The following CCNYL1 variants were observed in gnomAD, a reference collection of about 807,000 sequenced individuals.
CCNYL1 encodes cyclin Y like 1.
In CCNYL1, 16 loss-of-function variants were observed where a neutral mutation model predicts 44.2. That is an observed-to-expected ratio of 0.36 (90% CI 0.25 to 0.55). The LOEUF (loss-of-function observed/expected upper bound fraction) is 0.55. CCNYL1 is among the 20% of genes least tolerant of loss of function. The pLI, the probability that CCNYL1 is intolerant of heterozygous loss-of-function variation, is 0.85. For missense variants in CCNYL1, 348 were observed against 451.8 expected (o/e 0.77, Z 2.08); for synonymous variants, 159 against 163.2 (o/e 0.97, Z 0.20).
chr2:207,735,931 C>T (rs533822384), intron 4 of CCNYL1, among the ~76,000 whole-genome samples: 13 of 152,202 alleles, frequency 8.5e-5, no homozygotes, highest in South Asian at 2.1e-4. Context: ...AAGTCATACC[C>T]GATGCCAATT....
chr2:207,717,632 G>C (rs971432358), intron 1 of CCNYL1, among the ~76,000 whole-genome samples: 8 of 152,174 alleles, frequency 5.3e-5, no homozygotes, highest in African/African-American at 1.9e-4. Flanking sequence ...TACGTGACCT[G>C]TGAGCAGTCC....
Position 207,751,119 on chromosome 2 carries a change from G to A in CCNYL1, c.969G>A (p.Glu323=). 1 of 1,613,286 alleles carries A rather than the reference G, an allele frequency of 6.2e-7. No individual in the cohort carries two copies. ...GCAAAGAAAGAGCACAGAACCTAGA[G>A]GTAAGGCTATGAAGTCACTAAGTGA... ...PLSKERAQNL[E]AISRLCEDKD... Residue 323 remains glutamate, a splice_region_variant and synonymous_variant, in exon 9 of 10, where the codon GAG becomes GAA. Transcript: ENST00000295414.
chr2:207,716,877 A>C (rs1053495206), intron 1 of CCNYL1, among the ~76,000 whole-genome samples: 1 of 152,188 alleles, frequency 6.6e-6, no homozygotes, highest in African/African-American at 2.4e-5. Flanking sequence ...TGGGAGGCCG[A>C]GGCGGGTGGA....
chr2:207,726,629 A>AT (rs2091681939), intron 2 of CCNYL1, among the ~76,000 whole-genome samples: 1 of 152,224 alleles, frequency 6.6e-6, no homozygotes, highest in Admixed American at 6.5e-5. Flanking sequence ...CATGTAATAG[A>AT]ATATCTGTCA....
At chr2:207,718,966 T>C (rs553405959) in intron 1 of CCNYL1, among the ~76,000 whole-genome samples, 1 of 150,668 alleles carries the variant, frequency 6.6e-6, no homozygotes, top group South Asian at 2.1e-4. Flanking sequence ...AGGAGAATTA[T>C]GGAGCTGTTA....
intron 7 of CCNYL1, among the ~76,000 whole-genome samples, chr2:207,746,241 G>T (rs920627182): frequency 6.6e-6 from 1 of 152,220 alleles, no homozygotes; most frequent in African/African-American, 2.4e-5. Flanking sequence ...CAGCCACTGG[G>T]TGGCTCTCTT....
At chr2:207,725,874 G>A (rs906746878) in intron 2 of CCNYL1, among the ~76,000 whole-genome samples, 5 of 152,148 alleles carry the variant, frequency 3.3e-5, no homozygotes, top group Non-Finnish European at 7.4e-5. Context: ...ATACAACCAG[G>A]TTTTTCATTT....
intron 1 of CCNYL1, among the ~76,000 whole-genome samples, chr2:207,718,941 GT>G (rs762266569): frequency 1.3e-5 from 2 of 150,356 alleles, no homozygotes; most frequent in Non-Finnish European, 2.9e-5. Flanking sequence ...AAAATAAACT[GT>G]TATATCCACA....
chr2:207,711,785 A>G lies in CCNYL1; in HGVS notation c.-112A>G. ...TGCTTGCGCGGTGCAGCCCCAGCGT[A>G]GCCCGGGGCTGCCGGTGCCGGCCGC... On this transcript the variant is annotated 5_prime_UTR_variant, in exon 1 of 10. Coordinates refer to ENST00000295414, the MANE Select transcript of CCNYL1 (RefSeq NM_001330218.2). 1.5e-6 allele frequency: 1 copy of G among 656,234 alleles called. No individual in the cohort carries two copies. Among genetic ancestry groups the G allele is most frequent in the Non-Finnish European group, 2.2e-6 (1 of 444,640 alleles). The allele number at this position is 656,234 out of a possible 1,614,324, so 40.7% of individuals were successfully genotyped here.
chr2:207,742,216 C>T lies in CCNYL1; in HGVS notation c.520-7C>T, dbSNP rs201020093. The stretch of plus-strand genomic sequence containing the variant: ...GGATACTAACATTGCATCTTTTCTT[C>T]TTTCAGCGAGAAAAAGTTCCAGAGG... On this transcript the variant is annotated splice_region_variant and splice_polypyrimidine_tract_variant and intron_variant, in intron 6 of 9. Coordinates refer to ENST00000295414, the MANE Select transcript of CCNYL1 (RefSeq NM_001330218.2). 303 of 1,563,420 alleles carry T rather than the reference C, an allele frequency of 1.9e-4. No individual in the cohort carries two copies. The Middle Eastern group carries it at 2.7e-3, about 14-fold the overall frequency.
In CCNYL1 at chr2:207,712,004, G is replaced by T. The variant is rs757442469; in HGVS notation, c.108G>T (p.Val36=). The change falls in exon 1 of 10, where the codon GTG becomes GTT. Residue 36 remains valine, a synonymous_variant. Coordinates refer to ENST00000295414, the MANE Select transcript of CCNYL1 (RefSeq NM_001330218.2). ...GCGCGTCCGACATCTACGAGGCGGT[G>T]TCCGGGGACGCGGTGGCGGTAGCGC... is the stretch of plus-strand genomic sequence containing the variant. The part of the protein sequence containing the change: ...LYCASDIYEA[V]SGDAVAVAPA... 6.8e-7 allele frequency: 1 copy of T among 1,476,372 alleles called. No individual in the cohort carries two copies. Among genetic ancestry groups the T allele is most frequent in the African/African-American group, 1.5e-5 (1 of 68,724 alleles). The allele number at this position is 1,476,372 out of a possible 1,614,324, so 91.5% of individuals were successfully genotyped here. A position where few individuals can be genotyped will look rare whatever the true frequency, so the allele number is the denominator to read the frequency against.
chr2:207,750,339 C>T (rs1046121128), intron 8 of CCNYL1, among the ~76,000 whole-genome samples: 1 of 152,084 alleles, frequency 6.6e-6, no homozygotes, highest in South Asian at 2.1e-4. Context: ...TGCATTATGC[C>T]CTTTGACATA....
chr2:207,717,045 A>C (rs1575207828), intron 1 of CCNYL1, among the ~76,000 whole-genome samples: 1 of 148,984 alleles, frequency 6.7e-6, no homozygotes, highest in South Asian at 2.1e-4. Flanking sequence ...GGAGGCAGAG[A>C]TTGCAGTGAG....
At chr2:207,720,755 A>G (rs1206419027) in intron 1 of CCNYL1, among the ~76,000 whole-genome samples, 1 of 152,208 alleles carries the variant, frequency 6.6e-6, no homozygotes, top group East Asian at 1.9e-4. Flanking sequence ...GTTAAGTGCT[A>G]TTAAGAAATA....
rs1396850637 is a variant in CCNYL1, at chr2:207,754,152, T to TCTAA, written c.*459_*462dup. On this transcript the variant is annotated 3_prime_UTR_variant, in exon 10 of 10. Coordinates refer to ENST00000295414, the MANE Select transcript of CCNYL1 (RefSeq NM_001330218.2). ...CAGTATTACCATTAAAACATGGGAC[T>TCTAA]CTAACTAAAGCCACTTAGGAGCAGA... 1 of 153,284 alleles carries TCTAA rather than the reference T, an allele frequency of 6.5e-6. No homozygotes were observed. Among genetic ancestry groups the TCTAA allele is most frequent in the Admixed American group, 6.5e-5 (1 of 15,296 alleles). 9.5% of individuals were successfully genotyped at this position (153,284 alleles called of 1,614,324 possible).
At chr2:207,730,060 C>T (rs1451325937) in intron 3 of CCNYL1, among the ~76,000 whole-genome samples, 2 of 152,104 alleles carry the variant, frequency 1.3e-5, no homozygotes, top group Non-Finnish European at 2.9e-5. Flanking sequence ...GAAGAATCTC[C>T]CAATTTTCTA....
intron 1 of CCNYL1, among the ~76,000 whole-genome samples, chr2:207,717,522 T>G (rs1346189921): frequency 2.0e-5 from 3 of 152,066 alleles, no homozygotes; most frequent in Admixed American, 2.0e-4. Context: ...TCAAGAATGT[T>G]AGGTGGTGAG....
intron 5 of CCNYL1, among the ~76,000 whole-genome samples, chr2:207,737,693 T>A (rs983327380): frequency 2.2e-4 from 32 of 146,808 alleles, no homozygotes; most frequent in African/African-American, 5.2e-4. Flanking sequence ...GTTGAGAATT[T>A]AAAAAAAAAA....
intron 8 of CCNYL1, among the ~76,000 whole-genome samples, chr2:207,747,768 C>G (rs2091864566): frequency 6.6e-6 from 1 of 152,156 alleles, no homozygotes; most frequent in Non-Finnish European, 1.5e-5. Context: ...CTGTGTTGGT[C>G]AGGCTGGTCT....
Sources: allele counts gnomAD v4.1 joint callset (sites outside exome capture counted in the v4.1 genomes callset), GRCh38; gene constraint gnomAD v4.1.1; transcripts MANE v1.5; gene names NCBI Gene and HGNC (gene_info 2026-07-23, HGNC 2026-07-21).